MS4A6A: variants seen among roughly 807,000 people sequenced by gnomAD.
MS4A6A encodes the protein membrane-spanning 4-domains subfamily A member 6A.
A neutral mutation model predicts 20.6 loss-of-function variants in MS4A6A; 19 were observed. The observed-to-expected ratio is 0.92, with a 90% CI of 0.64 to 1.36. The LOEUF (loss-of-function observed/expected upper bound fraction) is 1.36. Ranked by LOEUF, MS4A6A falls within the 40% of genes most tolerant of loss-of-function variation. MS4A6A has a pLI of 0.00. For synonymous variants in MS4A6A, 108 were observed against 105.0 expected (o/e 1.03, Z -0.17); for missense variants, 272 against 261.1 (o/e 1.04, Z -0.29).
At chr11:60,171,993 C>T (rs1024330280), downstream of MS4A6A, 1 of 615,672 alleles carries the variant, frequency 1.6e-6, no homozygotes. Flanking sequence ...CAAGAGATCC[C>T]CAATGAACAC....
chr11:60,180,756 C>T, intron 2 of MS4A6A: 1 of 267,584 alleles, frequency 3.7e-6, no homozygotes. Flanking sequence ...GGGACAGAAA[C>T]CAAATACTGC....
Position 60,175,454 on chromosome 11 carries a change from T to C in MS4A6A, c.497A>G (p.Tyr166Cys). ...GTCCGTGGTATAAAGTGAATCATGA[T>C]AAAAGTAAGAAACATAACTTCTTGT... ...IPTRSYVSYF[Y>C]HDSLYTTDCY... Residue 166 changes from tyrosine to cysteine, a missense_variant, in exon 5 of 6, where the codon TAT (tyrosine) becomes TGT (cysteine). Physicochemically the swap from Tyr to Cys is radical, Grantham distance 194. Coordinates refer to ENST00000528851, the MANE Select transcript of MS4A6A (RefSeq NM_022349.4). 1 of 1,614,206 alleles carries C rather than the reference T, an allele frequency of 6.2e-7. No homozygotes were observed. The highest frequency in any genetic ancestry group is 1.1e-5 in the South Asian group (1 of 91,080).
intron 4 of MS4A6A, chr11:60,176,923 C>G (rs1392429083): frequency 2.0e-5 from 3 of 152,162 alleles, no homozygotes; most frequent in East Asian, 1.9e-4. Context: ...TCTGGAGTAA[C>G]AGGCCCATAT....
At chr11:60,177,798 GT>G (rs1403672791) in intron 4 of MS4A6A, among the ~76,000 whole-genome samples, 2 of 152,082 alleles carry the variant, frequency 1.3e-5, no homozygotes, top group Middle Eastern at 6.3e-3. Context: ...GTAGTATACT[GT>G]AGTAGCCTCT....
Position 60,175,253 on chromosome 11 carries a change from C to T in MS4A6A, c.549+149G>A, listed in dbSNP as rs1180912264. On this transcript the variant is annotated intron_variant, in intron 5 of 5. Coordinates refer to ENST00000528851, the MANE Select transcript of MS4A6A (RefSeq NM_022349.4). Reference sequence around the variant, plus strand: ...GTATGTAATCCCCTTAATCTCATCCCTGTAGTCCCCTTTGATTTACATAAA... The same window carrying T: ...GTATGTAATCCCCTTAATCTCATCCTTGTAGTCCCCTTTGATTTACATAAA... 2.1e-5 allele frequency: 13 copies of T among 619,646 alleles called. No homozygotes were observed. In the East Asian group the frequency reaches 2.2e-4, roughly 11 times the overall value. The allele number at this position is 619,646 out of a possible 1,614,324, so 38.4% of individuals were successfully genotyped here. A position where few individuals can be genotyped will look rare whatever the true frequency, so the allele number is the denominator to read the frequency against.
intron 3 of MS4A6A, chr11:60,179,563 G>T: frequency 5.2e-6 from 3 of 576,796 alleles, no homozygotes; most frequent in South Asian, 2.2e-5. Flanking sequence ...GCCTAAACCT[G>T]GAGAGAAGTC....
At chr11:60,177,436 G>GC (rs945934763) in intron 4 of MS4A6A, 1 of 152,104 alleles carries the variant, frequency 6.6e-6, no homozygotes, top group African/African-American at 2.4e-5. Flanking sequence ...AATGGATTGA[G>GC]CGAAGACTTA....
chr11:60,175,557 A>G lies in MS4A6A; in HGVS notation c.394T>C (p.Phe132Leu), dbSNP rs571016362. ...GCCTGTTTGACAGACAGGATAATGA[A>G]ACCCACCAGGGCAGACAGAGCACTC... ...ILSALSALVG[F>L]IILSVKQATL... The change falls in exon 5 of 6, where the codon TTC (phenylalanine) becomes CTC (leucine). Residue 132 changes from phenylalanine (F) to leucine (L), a missense_variant. By Grantham distance (22) the Phe-to-Leu change is conservative. Coordinates refer to ENST00000528851, the MANE Select transcript of MS4A6A (RefSeq NM_022349.4). The G allele has an allele frequency of 6.2e-5, 100 of 1,614,038 alleles. 2 individuals carry two copies. The South Asian group carries it at 1.1e-3, about 17-fold the overall frequency.
chr11:60,173,246 A>G, intron 5 of MS4A6A, 117 bp from the exon 6 acceptor site: 1 of 871,070 alleles, frequency 1.1e-6, no homozygotes, highest in Non-Finnish European at 1.9e-6. Context: ...TGAAGAAAGG[A>G]CACCATCAGG....
upstream of MS4A6A, chr11:60,183,141 G>A (rs2083828981): frequency 1.3e-6 from 2 of 1,535,692 alleles, no homozygotes; most frequent in East Asian, 2.4e-5. Flanking sequence ...CTCACAGATT[G>A]TAGATTTGTG....
At chr11:60,181,555 T>C (rs1857134811) in intron 2 of MS4A6A, 26 bp downstream of exon 2, 4 of 1,613,386 alleles carry the variant, frequency 2.5e-6, no homozygotes, top group Non-Finnish European at 3.4e-6. Context: ...CCAACCCCTC[T>C]CCAACACGTT....
At chr11:60,172,312 T>C (rs2134751664), downstream of MS4A6A, 3 of 1,588,130 alleles carry the variant, frequency 1.9e-6, no homozygotes, top group Admixed American at 3.5e-5. Flanking sequence ...GATAGATGTA[T>C]ATATGCCATT....
At chr11:60,178,592 T>A (rs997090558) in intron 3 of MS4A6A, among the ~76,000 whole-genome samples, 2 of 152,122 alleles carry the variant, frequency 1.3e-5, no homozygotes, top group Non-Finnish European at 1.5e-5. Context: ...AATTTTTGTT[T>A]TTTTAATAAA....
chr11:60,181,503 G>A, intron 2 of MS4A6A, 78 bp downstream of exon 2: 2 of 1,567,006 alleles, frequency 1.3e-6, no homozygotes, highest in Non-Finnish European at 1.7e-6. Flanking sequence ...ACTCACGACA[G>A]ATGTCCAGTC....
At chr11:60,183,223 A>G, upstream of MS4A6A, 1 of 1,523,110 alleles carries the variant, frequency 6.6e-7, no homozygotes, top group Non-Finnish European at 8.8e-7. Flanking sequence ...GCCAACTAAT[A>G]TTTGTGAGAG....
chr11:60,179,518 T>C, intron 3 of MS4A6A: 1 of 589,478 alleles, frequency 1.7e-6, no homozygotes, highest in East Asian at 2.8e-5. Context: ...AAATGTTCCT[T>C]CCCAACTTTA....
At position 60,173,078 on chromosome 11, in the gene MS4A6A, C is replaced by G. The variant is rs201213606; in HGVS notation, c.601G>C (p.Val201Leu). The change falls in exon 6 of 6, where the codon GTG becomes CTG. Residue 201 changes from valine (V) to leucine (L), a missense_variant. Val to Leu is a conservative substitution (Grantham distance 32). Coordinates refer to ENST00000528851, the MANE Select transcript of MS4A6A (RefSeq NM_022349.4). ...TTCCACCGCAGCACAGCAGTGAGCACAGCTAGGCAGAATTCCAGCAGAGTG... is the reference window on the plus strand; with the variant it reads ...TTCCACCGCAGCACAGCAGTGAGCAGAGCTAGGCAGAATTCCAGCAGAGTG... ...ICTLLEFCLAVLTAVLRWKQA... is the reference protein window; with the variant it reads ...ICTLLEFCLALLTAVLRWKQA... 2.5e-6 allele frequency: 4 copies of G among 1,614,022 alleles called. No individual in the cohort carries two copies. Among genetic ancestry groups the G allele is most frequent in the Non-Finnish European group, 3.4e-6 (4 of 1,180,002 alleles).
chr11:60,179,336 A>G (rs1452068454), intron 3 of MS4A6A, among the ~76,000 whole-genome samples: 4 of 152,204 alleles, frequency 2.6e-5, no homozygotes, highest in African/African-American at 4.8e-5. Flanking sequence ...GGGCATAGAT[A>G]TCTGCTCAGC....
At chr11:60,182,840 C>T in intron 1 of MS4A6A, 138 bp downstream of exon 1, 2 of 284,502 alleles carry the variant, frequency 7.0e-6, no homozygotes, top group Non-Finnish European at 1.3e-5. Context: ...ACAGATACTC[C>T]TTCCATTTGC....
Sources: gnomAD v4.1 joint callset for allele counts (sites outside exome capture counted in the v4.1 genomes callset) on GRCh38, gnomAD v4.1.1 for gene constraint, MANE v1.5 for transcripts, NCBI Gene and HGNC (gene_info 2026-07-23, HGNC 2026-07-21) for gene names.